ZFPM2: variants seen among roughly 807,000 people sequenced by gnomAD.
ZFPM2 encodes zinc finger protein ZFPM2.
ZFPM2 carries 20 observed loss-of-function variants against 98.6 expected under a neutral mutation model. The observed-to-expected ratio is 0.20, with a 90% CI of 0.14 to 0.29. The LOEUF (loss-of-function observed/expected upper bound fraction) is 0.29, where lower values mean the gene tolerates loss of function less well. Among genes scored for constraint, ZFPM2 ranks in the 10% least tolerant of loss-of-function variants. The probability of loss-of-function intolerance (pLI) is 1.00; values close to 1 mark genes in which losing one functional copy is unlikely to be tolerated. For synonymous variants in ZFPM2, 518 were observed against 502.7 expected, an observed-to-expected ratio of 1.03 and a Z score of -0.41; for missense variants, 1,310 against 1,388.6, an observed-to-expected ratio of 0.94 and a Z score of 0.90.
intron 4 of ZFPM2, among the ~76,000 whole-genome samples, chr8:105,569,278 A>G (rs1054761787): frequency 6.6e-6 from 1 of 152,180 alleles, no homozygotes; most frequent in African/African-American, 2.4e-5. Flanking sequence ...TCAATGAATA[A>G]CATTGAATGA....
chr8:105,607,793 A>G (rs1476417054), intron 4 of ZFPM2, among the ~76,000 whole-genome samples: 1 of 152,134 alleles, frequency 6.6e-6, no homozygotes, highest in Non-Finnish European at 1.5e-5. Context: ...TTAATTTTTT[A>G]ACATCTTTTT....
intron 5 of ZFPM2, among the ~76,000 whole-genome samples, chr8:105,753,210 G>C (rs1327686423): frequency 6.6e-6 from 1 of 152,064 alleles, no homozygotes; most frequent in Admixed American, 6.6e-5. Context: ...GATATGCTGG[G>C]AATTTATATC....
intron 4 of ZFPM2, among the ~76,000 whole-genome samples, chr8:105,623,450 G>A (rs1284519829): frequency 6.6e-6 from 1 of 152,154 alleles, no homozygotes; most frequent in Non-Finnish European, 1.5e-5. Flanking sequence ...TACACATCAT[G>A]AAAACAACAT....
At chr8:105,493,545 A>C (rs1192203818) in intron 3 of ZFPM2, among the ~76,000 whole-genome samples, 1 of 152,180 alleles carries the variant, frequency 6.6e-6, no homozygotes, top group Non-Finnish European at 1.5e-5. Flanking sequence ...TCACTTGATG[A>C]CATCATCCGG....
chr8:105,680,270 A>G (rs4734889), intron 5 of ZFPM2, among the ~76,000 whole-genome samples: 40,486 of 152,008 alleles, frequency 0.27, 6,550 homozygotes, highest in African/African-American at 0.47. Context: ...GAAAAAATCT[A>G]TGTTGTAGTG....
intron 5 of ZFPM2, among the ~76,000 whole-genome samples, chr8:105,699,414 A>G (rs1191613143): frequency 6.6e-6 from 1 of 152,162 alleles, no homozygotes; most frequent in Non-Finnish European, 1.5e-5. Context: ...CTCTCTTTAT[A>G]TGAGAATAAT....
At chr8:105,793,991 A>G (rs145093848) in intron 6 of ZFPM2, among the ~76,000 whole-genome samples, 11,077 of 151,950 alleles carry the variant, frequency 0.073, 455 homozygotes, top group East Asian at 0.12. Context: ...AATTTTTTTC[A>G]AAGATTTTAA....
intron 3 of ZFPM2, among the ~76,000 whole-genome samples, chr8:105,543,865 A>G (rs1236549227): frequency 6.6e-6 from 1 of 152,198 alleles, no homozygotes; most frequent in Admixed American, 6.5e-5. Context: ...TAACTTGGGT[A>G]TAGTTGGCCA....
chr8:105,786,544 T>C (rs1813421262), intron 5 of ZFPM2, among the ~76,000 whole-genome samples: 2 of 152,142 alleles, frequency 1.3e-5, no homozygotes, highest in Admixed American at 1.3e-4. Flanking sequence ...TTTAGAATGA[T>C]ACGCTCTGAC....
intron 2 of ZFPM2, among the ~76,000 whole-genome samples, chr8:105,426,947 A>T (rs1480937820): frequency 6.6e-6 from 1 of 152,036 alleles, no homozygotes; most frequent in East Asian, 1.9e-4. Context: ...ACAGAGTGAG[A>T]CTCCACCTGA....
chr8:105,503,891 G>A (rs1460516348), intron 3 of ZFPM2, among the ~76,000 whole-genome samples: 2 of 152,176 alleles, frequency 1.3e-5, no homozygotes, highest in Non-Finnish European at 2.9e-5. Context: ...TTGGCTTGCA[G>A]TAGAAGAATT....
At chr8:105,457,809 G>T (rs1230853671) in intron 3 of ZFPM2, among the ~76,000 whole-genome samples, 1 of 152,130 alleles carries the variant, frequency 6.6e-6, no homozygotes, top group African/African-American at 2.4e-5. Flanking sequence ...GGAAGGCACT[G>T]TCCTCCCTGT....
intron 1 of ZFPM2, among the ~76,000 whole-genome samples, chr8:105,373,976 G>T (rs1332884560): frequency 1.3e-5 from 2 of 152,122 alleles, no homozygotes; most frequent in Non-Finnish European, 2.9e-5. Context: ...AAGAAGGAAC[G>T]AACTAGATAT....
intron 4 of ZFPM2, among the ~76,000 whole-genome samples, chr8:105,598,316 G>C (rs1163567335): frequency 6.6e-6 from 1 of 152,134 alleles, no homozygotes; most frequent in Non-Finnish European, 1.5e-5. Context: ...TGAAGGATAA[G>C]AGGGTTGAAT....
intron 1 of ZFPM2, among the ~76,000 whole-genome samples, chr8:105,410,050 G>A (rs866269912): frequency 6.6e-6 from 1 of 151,920 alleles, no homozygotes; most frequent in Middle Eastern, 3.4e-3. Context: ...CTTTAATAGG[G>A]CAGAATCAGA....
chr8:105,799,957 C>G (rs1399551588), intron 7 of ZFPM2, among the ~76,000 whole-genome samples: 1 of 152,146 alleles, frequency 6.6e-6, no homozygotes, highest in African/African-American at 2.4e-5. Flanking sequence ...TCTGCTCATC[C>G]TCTTTCCTCT....
At chr8:105,496,122 G>A (rs1813462488) in intron 3 of ZFPM2, among the ~76,000 whole-genome samples, 1 of 152,066 alleles carries the variant, frequency 6.6e-6, no homozygotes, top group Admixed American at 6.5e-5. Flanking sequence ...GATCTTCACA[G>A]TATTGCATTA....
chr8:105,582,846 G>A (rs1382798897), intron 4 of ZFPM2, among the ~76,000 whole-genome samples: 14 of 152,036 alleles, frequency 9.2e-5, no homozygotes, highest in African/African-American at 1.9e-4. Context: ...CACCTGCCTC[G>A]GCCTCCCAAA....
chr8:105,494,700 C>T (rs949179345), intron 3 of ZFPM2, among the ~76,000 whole-genome samples: 1 of 152,062 alleles, frequency 6.6e-6, no homozygotes. Context: ...CCAGACTTAC[C>T]GAGTCAAAAA....
Sources: gnomAD v4.1 joint callset for allele counts (sites outside exome capture counted in the v4.1 genomes callset) on GRCh38, gnomAD v4.1.1 for gene constraint, MANE v1.5 for transcripts, NCBI Gene and HGNC (gene_info 2026-07-23, HGNC 2026-07-21) for gene names.